Variants in RIMS2 observed in about 807,000 individuals in gnomAD.
The protein encoded by RIMS2 is regulating synaptic membrane exocytosis protein 2.
A neutral mutation model predicts 174.4 loss-of-function variants in RIMS2; 59 were observed. That is an observed-to-expected ratio of 0.34 (90% confidence interval 0.27 to 0.42). The LOEUF (loss-of-function observed/expected upper bound fraction) is 0.42. Among genes scored for constraint, RIMS2 ranks in the 10% least tolerant of loss-of-function variants. The pLI, the probability that RIMS2 is intolerant of heterozygous loss-of-function variation, is 1.00. For missense variants in RIMS2, 1,620 were observed against 1,666.3 expected (o/e 0.97, Z 0.48); for synonymous variants, 606 against 572.5 (o/e 1.06, Z -0.84).
At chr8:103,663,251 G>A (rs1440635506) in intron 1 of RIMS2, among the ~76,000 whole-genome samples, 9 of 151,974 alleles carry the variant, frequency 5.9e-5, no homozygotes, top group Admixed American at 5.9e-4. Context: ...AGTTATGGTG[G>A]CATTATAAAA....
chr8:103,815,192 A>G (rs1205930359), intron 3 of RIMS2, among the ~76,000 whole-genome samples: 1 of 152,190 alleles, frequency 6.6e-6, no homozygotes, highest in Non-Finnish European at 1.5e-5. Context: ...AACCTGAGAT[A>G]TACTACTAAA....
In RIMS2 at chr8:104,086,559, T is replaced by C. The variant is rs75879539; in HGVS notation, c.3334+71944T>C. Reference sequence around the variant, plus strand: ...CTTAGGGAAGGTCATAATTGACTACTGGCAATAATTCTTCCTCTGTAAATT... The same window carrying C: ...CTTAGGGAAGGTCATAATTGACTACCGGCAATAATTCTTCCTCTGTAAATT... On this transcript the variant is annotated intron_variant, in intron 19 of 23. Transcript: ENST00000504942. Among the ~76,000 whole-genome samples, 158 of 152,248 alleles carry C rather than the reference T, an allele frequency of 1.0e-3. 1 individual carries two copies. The East Asian group carries it at 0.021, about 20-fold the overall frequency.
rs2091521840 is a variant in RIMS2 at position 103,965,351 on chromosome 8, A to T, written c.2770+4218A>T. Among the ~76,000 whole-genome samples the T allele has an allele frequency of 2.6e-5, 4 of 152,100 alleles. No individual in the cohort carries two copies. In the South Asian group the frequency reaches 8.3e-4, roughly 32 times the overall value. On this transcript the variant is annotated intron_variant, in intron 15 of 23. Transcript: ENST00000504942. ...GAGTTTTGTTGTTTTTCTCATGTAG[A>T]TCTTATACATATTTTGTTAGATTAT...
chr8:103,729,680 A>G (rs1178797471), intron 2 of RIMS2, among the ~76,000 whole-genome samples: 1 of 151,862 alleles, frequency 6.6e-6, no homozygotes, highest in Admixed American at 6.6e-5. Context: ...GTATTCGTTT[A>G]TTGCTATGAA....
intron 9 of RIMS2, chr8:103,920,755 C>T (rs1408645010): frequency 1.5e-5 from 7 of 452,038 alleles, no homozygotes; most frequent in Non-Finnish European, 3.1e-5. Flanking sequence ...TTTGGGAGGC[C>T]GAGGCGGGCG....
chr8:103,674,905 ATAAT>A (rs1480605068), intron 1 of RIMS2, among the ~76,000 whole-genome samples: 3 of 152,210 alleles, frequency 2.0e-5, no homozygotes, highest in Non-Finnish European at 2.9e-5. Context: ...TTTATATTTA[ATAAT>A]TAATGTTTCA....
intron 1 of RIMS2, among the ~76,000 whole-genome samples, chr8:103,579,552 A>G (rs377325695): frequency 9.0e-4 from 137 of 152,260 alleles, no homozygotes; most frequent in African/African-American, 3.2e-3. Context: ...TAAAGTAAAA[A>G]TGGGAGGGAA....
At chr8:103,994,013 TG>T (rs1220032397) in intron 17 of RIMS2, among the ~76,000 whole-genome samples, 7 of 139,110 alleles carry the variant, frequency 5.0e-5, no homozygotes, top group African/African-American at 1.9e-4. Flanking sequence ...ATCGCACCAC[TG>T]CAGTCCAGCC....
intron 19 of RIMS2, among the ~76,000 whole-genome samples, chr8:104,056,201 A>G (rs552751548): frequency 8.0e-4 from 121 of 152,102 alleles, no homozygotes; most frequent in Non-Finnish European, 1.3e-3. Flanking sequence ...TCAGGAGATC[A>G]AGACCATCCT....
At chr8:103,531,325 C>A (rs561720409) in intron 1 of RIMS2, among the ~76,000 whole-genome samples, 121 of 152,058 alleles carry the variant, frequency 8.0e-4, no homozygotes, top group Non-Finnish European at 1.4e-3. Flanking sequence ...CTCTGATCAC[C>A]ATGCTGGAAA....
At chr8:104,251,561 C>T (rs1174294479) in intron 23 of RIMS2, 41 bp from the exon 30 acceptor site, 3 of 1,018,954 alleles carry the variant, frequency 2.9e-6, no homozygotes, top group Admixed American at 1.7e-5. Flanking sequence ...TCTATGTACA[C>T]AGTTACACTG....
rs191477648 is a variant in RIMS2 at position 104,151,005 on chromosome 8, T to C, written c.3335-93911T>C. ...CAATAAAGAGGTAAACTTAAGTCCA[T>C]ACCTGGAAAAGAGCATTTAAGGATG... is the stretch of plus-strand genomic sequence containing the variant. On this transcript the variant is annotated intron_variant, in intron 19 of 23. Transcript: ENST00000504942. Among the ~76,000 whole-genome samples, 499 of 152,232 alleles carry C rather than the reference T, an allele frequency of 3.3e-3. 4 individuals are homozygous for C. The highest frequency in any genetic ancestry group is 0.011 in the African/African-American group (458 of 41,564).
At chr8:104,209,496 CCTGA>C (rs894353009) in intron 19 of RIMS2, among the ~76,000 whole-genome samples, 13 of 152,266 alleles carry the variant, frequency 8.5e-5, no homozygotes, top group African/African-American at 2.9e-4. Flanking sequence ...TGAGGAACAC[CCTGA>C]CTATCACCTC....
chr8:104,123,928 A>G (rs995334078), intron 19 of RIMS2, among the ~76,000 whole-genome samples: 2 of 152,304 alleles, frequency 1.3e-5, no homozygotes, highest in Admixed American at 1.3e-4. Flanking sequence ...ATTTTCTTAT[A>G]CTGTCTGCCA....
intron 2 of RIMS2, among the ~76,000 whole-genome samples, chr8:103,749,026 C>T (rs1286293821): frequency 6.6e-6 from 1 of 151,966 alleles, no homozygotes; most frequent in Non-Finnish European, 1.5e-5. Flanking sequence ...CTCAAACTCC[C>T]AACCTCAGGT....
At chr8:104,083,055 T>C (rs2097455427) in intron 19 of RIMS2, among the ~76,000 whole-genome samples, 1 of 152,192 alleles carries the variant, frequency 6.6e-6, no homozygotes, top group Admixed American at 6.5e-5. Context: ...GGTCTTTCTG[T>C]AAGCCCAGTT....
chr8:103,976,548 C>CTTTTTCTTTTTCT (rs1555075311), intron 16 of RIMS2: 12 of 124,572 alleles, frequency 9.6e-5, no homozygotes, highest in Non-Finnish European at 1.3e-4. Context: ...TTTTCTTTTT[C>CTTTTTCTTTTTCT]TTTTTTTTTT....
intron 4 of RIMS2, among the ~76,000 whole-genome samples, chr8:103,908,541 C>T (rs1030273961): frequency 2.0e-5 from 3 of 152,068 alleles, no homozygotes; most frequent in Non-Finnish European, 4.4e-5. Context: ...GTTACCCTTC[C>T]CTAACAAGAA....
At chr8:103,597,815 T>C (rs76340522) in intron 1 of RIMS2, among the ~76,000 whole-genome samples, 4,710 of 152,180 alleles carry the variant, frequency 0.031, 217 homozygotes, top group African/African-American at 0.1. Context: ...CTGTATATAA[T>C]AGTGTTTTTT....
Sources: allele counts gnomAD v4.1 joint callset (sites outside exome capture counted in the v4.1 genomes callset), GRCh38; gene constraint gnomAD v4.1.1; transcripts MANE v1.5; gene names NCBI Gene and HGNC (gene_info 2026-07-23, HGNC 2026-07-21).